The following MYT1L variants were observed in gnomAD, a reference collection of about 807,000 sequenced individuals.
MYT1L encodes myelin transcription factor 1 like.
In MYT1L, 12 loss-of-function variants were observed where a neutral mutation model predicts 126.7. The observed-to-expected ratio is 0.09, with a 90% CI of 0.06 to 0.15. The LOEUF (loss-of-function observed/expected upper bound fraction) is 0.15. Ranked by LOEUF, MYT1L falls within the 10% of genes least tolerant of loss-of-function variation. MYT1L has a pLI of 1.00. For synonymous variants in MYT1L, 541 were observed against 604.2 expected (o/e 0.90, Z 1.53); for missense variants, 979 against 1,585.2 (o/e 0.62, Z 6.49).
chr2:1,878,274 C>G (rs953877368), intron 18 of MYT1L, among the ~76,000 whole-genome samples: 5 of 152,182 alleles, frequency 3.3e-5, no homozygotes, highest in African/African-American at 9.7e-5. Context: ...CTGACATTTA[C>G]TTCACATTTA....
chr2:1,986,653 G>A (rs544005437), intron 5 of MYT1L, among the ~76,000 whole-genome samples: 22 of 152,280 alleles, frequency 1.4e-4, no homozygotes, highest in Non-Finnish European at 2.1e-4. Context: ...CCCAATTTAC[G>A]TCATGTACGA....
intron 21 of MYT1L, among the ~76,000 whole-genome samples, chr2:1,826,669 C>T (rs905543933): frequency 1.3e-5 from 2 of 152,138 alleles, no homozygotes; most frequent in African/African-American, 4.8e-5. Context: ...CACCGGGTAC[C>T]GGGTCAGTGC....
intron 21 of MYT1L, among the ~76,000 whole-genome samples, chr2:1,820,228 G>A (rs36014732): frequency 0.019 from 2,943 of 152,290 alleles, 52 homozygotes; most frequent in Non-Finnish European, 0.031. Flanking sequence ...AATACTGAGT[G>A]TGCAATCATT....
intron 2 of MYT1L, among the ~76,000 whole-genome samples, chr2:2,248,936 A>T (rs2094584406): frequency 6.6e-6 from 1 of 152,058 alleles, no homozygotes; most frequent in African/African-American, 2.4e-5. Flanking sequence ...AAAGCCAAAG[A>T]CTTTTCTCTT....
chr2:2,278,688 A>G (rs1029150409), intron 2 of MYT1L, among the ~76,000 whole-genome samples: 1 of 152,238 alleles, frequency 6.6e-6, no homozygotes, highest in African/African-American at 2.4e-5. Context: ...TAATTATGTA[A>G]TATCATGTAG....
intron 2 of MYT1L, among the ~76,000 whole-genome samples, chr2:2,261,372 A>G (rs753344609): frequency 1.2e-4 from 19 of 152,252 alleles, no homozygotes; most frequent in Non-Finnish European, 2.8e-4. Flanking sequence ...AAGAAAGAAT[A>G]TTATAAATTA....
At chr2:2,088,169 G>A (rs551088057) in intron 3 of MYT1L, among the ~76,000 whole-genome samples, 1 of 152,344 alleles carries the variant, frequency 6.6e-6, no homozygotes, top group African/African-American at 2.4e-5. Context: ...CTGACCACAG[G>A]GGAAAGGCCG....
At chr2:1,821,303 A>C (rs988575580) in intron 21 of MYT1L, among the ~76,000 whole-genome samples, 1 of 149,370 alleles carries the variant, frequency 6.7e-6, no homozygotes, top group African/African-American at 2.5e-5. Flanking sequence ...ACTCTCCTGA[A>C]TTCTTTATTT....
At position 1,917,176 on chromosome 2, in the gene MYT1L, C is replaced by A; in HGVS notation, c.1618+29G>T. ...GACAGAGTCATGGGTGTTTGCACCC[C>A]CAAGGGTAGCGGTGAGACGTGGACT... On this transcript the variant is annotated intron_variant, in intron 11 of 24. Transcript: ENST00000647738. The surrounding 1 kb of genome is among the most constrained non-coding windows in gnomAD (Gnocchi z 5.9). 6.2e-7 allele frequency: 1 copy of A among 1,603,136 alleles called. No homozygotes were observed. The highest frequency in any genetic ancestry group is 8.5e-7 in the Non-Finnish European group (1 of 1,172,278).
chr2:1,940,853 CAT>C (rs972111031), intron 9 of MYT1L, among the ~76,000 whole-genome samples: 1 of 152,256 alleles, frequency 6.6e-6, no homozygotes, highest in Non-Finnish European at 1.5e-5. Flanking sequence ...TTGCTGACCA[CAT>C]GAGTGGTGGG....
At chr2:2,245,442 C>T (rs2149175258) in intron 2 of MYT1L, among the ~76,000 whole-genome samples, 1 of 152,062 alleles carries the variant, frequency 6.6e-6, no homozygotes, top group African/African-American at 2.4e-5. Context: ...GTTAATCAAG[C>T]TTTGAGGCTT....
At chr2:2,060,753 C>T (rs971521122) in intron 3 of MYT1L, among the ~76,000 whole-genome samples, 2 of 132,534 alleles carry the variant, frequency 1.5e-5, no homozygotes, top group African/African-American at 2.8e-5. Context: ...CCATCTTTGC[C>T]CACTTCCTCT....
chr2:1,823,823 G>A (rs2038924252), intron 21 of MYT1L, among the ~76,000 whole-genome samples: 1 of 152,208 alleles, frequency 6.6e-6, no homozygotes, highest in South Asian at 2.1e-4. Flanking sequence ...CCCTCGTCCC[G>A]TGTGGTCAAA....
At chr2:2,146,624 T>C (rs1347317497) in intron 3 of MYT1L, among the ~76,000 whole-genome samples, 1 of 152,218 alleles carries the variant, frequency 6.6e-6, no homozygotes, top group Non-Finnish European at 1.5e-5. Flanking sequence ...GAGGGCCGGC[T>C]TGTTCAGGAG....
At chr2:2,072,987 A>G (rs982676377) in intron 3 of MYT1L, among the ~76,000 whole-genome samples, 1 of 152,092 alleles carries the variant, frequency 6.6e-6, no homozygotes, top group Non-Finnish European at 1.5e-5. Flanking sequence ...GTATCTGCTG[A>G]GGGCCTGCTT....
intron 21 of MYT1L, among the ~76,000 whole-genome samples, chr2:1,813,865 G>C (rs7425214): frequency 1.3e-5 from 1 of 75,670 alleles, no homozygotes; most frequent in Admixed American, 1.5e-4. Context: ...GTCTGTACTA[G>C]AAATACAAAA....
rs369419277 is a variant in MYT1L at position 2,005,583 on chromosome 2, C to T, written c.-157-8236G>A. On this transcript the variant is annotated intron_variant, in intron 4 of 24. Coordinates refer to ENST00000647738, the MANE Select transcript of MYT1L (RefSeq NM_001303052.2). ...GCTTGCCTTCTTTCCTGCATGCATT[C>T]TTTCCTGCAGGCATTATTTCCTGCA... Among the ~76,000 whole-genome samples the T allele has an allele frequency of 2.0e-5, 3 of 151,168 alleles. No individual in the cohort carries two copies. In the East Asian group the frequency reaches 6.0e-4, roughly 30 times the overall value.
rs551913908 is a variant in MYT1L, at chr2:2,227,129, G to A, written c.-420-54141C>T. ...TTCCACCCTGGGGATGCGCTGTCCC[G>A]GCCTGCTTTTCCCCTTTTCCCTTTG... On this transcript the variant is annotated intron_variant, in intron 2 of 24. Transcript: ENST00000647738. Among the ~76,000 whole-genome samples the A allele has an allele frequency of 5.9e-5, 9 of 152,062 alleles. No individual in the cohort carries two copies. In the East Asian group the frequency reaches 7.8e-4, roughly 13 times the overall value.
chr2:1,794,932 C>T (rs750069376), intron 23 of MYT1L, among the ~76,000 whole-genome samples: 3 of 152,218 alleles, frequency 2.0e-5, no homozygotes, highest in Non-Finnish European at 4.4e-5. Flanking sequence ...TTGGTGAGCC[C>T]CGTCCAGGGT....
Sources: gnomAD v4.1 joint callset for allele counts (sites outside exome capture counted in the v4.1 genomes callset) on GRCh38, gnomAD v4.1.1 for gene constraint, Gnocchi (gnomAD v3.1) non-coding constraint, MANE v1.5 for transcripts, NCBI Gene and HGNC (gene_info 2026-07-23, HGNC 2026-07-21) for gene names.